Variants in NALF1 observed in about 807,000 individuals in gnomAD.
NALF1 encodes the protein NALCN channel auxiliary factor 1.
In NALF1, 3 loss-of-function variants were observed where a neutral mutation model predicts 48.4. The ratio of observed to expected loss-of-function variants is 0.06; its 90% CI spans 0.03 to 0.16. The LOEUF (loss-of-function observed/expected upper bound fraction) is 0.16. Ranked by LOEUF, NALF1 falls within the 10% of genes least tolerant of loss-of-function variation. The probability of loss-of-function intolerance (pLI) is 1.00; values close to 1 mark genes in which losing one functional copy is unlikely to be tolerated. For synonymous variants in NALF1, 262 were observed against 245.7 expected (o/e 1.07, Z -0.62); for missense variants, 526 against 571.5 (o/e 0.92, Z 0.81).
intron 1 of NALF1, among the ~76,000 whole-genome samples, chr13:107,836,093 C>A (rs1879880405): frequency 6.6e-6 from 1 of 152,102 alleles, no homozygotes; most frequent in South Asian, 2.1e-4. Context: ...CTGACTCAAG[C>A]GATCCTCCCA....
intron 1 of NALF1, among the ~76,000 whole-genome samples, chr13:107,401,432 T>C (rs1462387698): frequency 2.6e-5 from 4 of 152,204 alleles, no homozygotes; most frequent in African/African-American, 9.6e-5. Flanking sequence ...AGCTCAGACT[T>C]GGGATACTGA....
chr13:107,450,389 G>A (rs951677119), intron 1 of NALF1, among the ~76,000 whole-genome samples: 1 of 152,172 alleles, frequency 6.6e-6, no homozygotes, highest in Non-Finnish European at 1.5e-5. Context: ...GGAGTGGTCA[G>A]GGCTGAAAAG....
At chr13:107,260,790 T>C (rs2138853996) in intron 1 of NALF1, among the ~76,000 whole-genome samples, 1 of 152,324 alleles carries the variant, frequency 6.6e-6, no homozygotes, top group East Asian at 1.9e-4. Flanking sequence ...CTAGCTCTGT[T>C]TTCTCCTTTC....
At position 107,700,249 on chromosome 13, in the gene NALF1, A is replaced by C. The variant is rs1881788137; in HGVS notation, c.915+165433T>G. ...GGAGGCATCAAAATTCCTGGTTAAAAATTGTATTACAAAGTTACAGTACTC... is the reference window on the plus strand; with the variant it reads ...GGAGGCATCAAAATTCCTGGTTAAACATTGTATTACAAAGTTACAGTACTC... On this transcript the variant is annotated intron_variant, in intron 1 of 2. Coordinates refer to ENST00000375915, the MANE Select transcript of NALF1 (RefSeq NM_001080396.3). 2.0e-5 allele frequency among the ~76,000 whole-genome samples: 3 copies of C among 152,182 alleles called. No homozygotes were observed. In the South Asian group the frequency reaches 6.2e-4, roughly 32 times the overall value.
chr13:107,673,073 C>T (rs1273723794), intron 1 of NALF1, among the ~76,000 whole-genome samples: 1 of 152,154 alleles, frequency 6.6e-6, no homozygotes, highest in Non-Finnish European at 1.5e-5. Flanking sequence ...ATAGCAACTA[C>T]ACCAAAAACA....
chr13:107,430,492 T>C (rs1884359387), intron 1 of NALF1, among the ~76,000 whole-genome samples: 1 of 152,026 alleles, frequency 6.6e-6, no homozygotes, highest in Admixed American at 6.6e-5. Context: ...ATGTTCCCCT[T>C]CCTGTGTCCA....
At chr13:107,814,956 G>A (rs2138610359) in intron 1 of NALF1, among the ~76,000 whole-genome samples, 1 of 152,160 alleles carries the variant, frequency 6.6e-6, no homozygotes, top group Middle Eastern at 3.4e-3. Context: ...AATATAAAAT[G>A]TTGGAAGTCA....
At chr13:107,281,263 G>A (rs1288669524) in intron 1 of NALF1, among the ~76,000 whole-genome samples, 2 of 152,182 alleles carry the variant, frequency 1.3e-5, no homozygotes, top group East Asian at 3.9e-4. Flanking sequence ...CATGGTTGAC[G>A]ATGATAAGTC....
At chr13:107,491,688 G>A (rs1161678013) in intron 1 of NALF1, among the ~76,000 whole-genome samples, 2 of 152,110 alleles carry the variant, frequency 1.3e-5, no homozygotes, top group Admixed American at 1.3e-4. Context: ...CATATTTAAT[G>A]TCTTGTTTGT....
chr13:107,781,564 T>C (rs967039027), intron 1 of NALF1, among the ~76,000 whole-genome samples: 3 of 152,008 alleles, frequency 2.0e-5, no homozygotes, highest in Non-Finnish European at 4.4e-5. Context: ...ATTTGAATTG[T>C]GTTTTGAGAG....
chr13:107,471,380 G>A (rs999808705), intron 1 of NALF1, among the ~76,000 whole-genome samples: 30 of 152,292 alleles, frequency 2.0e-4, no homozygotes, highest in Admixed American at 9.8e-4. Flanking sequence ...GCAGAAGCAG[G>A]TGCAAAAGAA....
intron 1 of NALF1, among the ~76,000 whole-genome samples, chr13:107,807,026 A>C (rs563436172): frequency 6.6e-6 from 1 of 152,258 alleles, no homozygotes; most frequent in South Asian, 2.1e-4. Context: ...ATATCACGCC[A>C]GTAGACACTT....
At chr13:107,220,072 A>AG (rs11385976) in intron 1 of NALF1, among the ~76,000 whole-genome samples, 99,389 of 152,064 alleles carry the variant, frequency 0.65, 33,720 homozygotes, top group African/African-American at 0.83. Flanking sequence ...CACAAAAATT[A>AG]TAATTGAAAC....
intron 1 of NALF1, among the ~76,000 whole-genome samples, chr13:107,532,390 C>T (rs1300908739): frequency 6.6e-6 from 1 of 152,036 alleles, no homozygotes; most frequent in Non-Finnish European, 1.5e-5. Flanking sequence ...TGCTTCCTTT[C>T]TCTATGAAGA....
At chr13:107,311,096 A>T (rs1365042324) in intron 1 of NALF1, among the ~76,000 whole-genome samples, 7 of 152,200 alleles carry the variant, frequency 4.6e-5, no homozygotes, top group Admixed American at 4.6e-4. Flanking sequence ...ACGTTATAAC[A>T]CATTTTTTTT....
chr13:107,834,944 C>T (rs189429034), intron 1 of NALF1, among the ~76,000 whole-genome samples: 3 of 152,264 alleles, frequency 2.0e-5, no homozygotes, highest in African/African-American at 7.2e-5. Flanking sequence ...AGGGAAAGCT[C>T]ACTCACGGGA....
At chr13:107,589,994 T>C (rs191729353) in intron 1 of NALF1, among the ~76,000 whole-genome samples, 46 of 152,140 alleles carry the variant, frequency 3.0e-4, no homozygotes, top group African/African-American at 1.1e-3. Flanking sequence ...TTTACTTGAA[T>C]GGAATTAAAT....
At chr13:107,271,074 A>C (rs965084907) in intron 1 of NALF1, among the ~76,000 whole-genome samples, 10 of 152,188 alleles carry the variant, frequency 6.6e-5, no homozygotes, top group Non-Finnish European at 1.2e-4. Flanking sequence ...CTTATGTATG[A>C]AATAATAATA....
At chr13:107,827,377 G>A (rs902622575) in intron 1 of NALF1, among the ~76,000 whole-genome samples, 9 of 152,094 alleles carry the variant, frequency 5.9e-5, no homozygotes, top group East Asian at 5.8e-4. Context: ...AGGATTCCTC[G>A]TTAATTCATT....
Sources: gnomAD v4.1 joint callset for allele counts (sites outside exome capture counted in the v4.1 genomes callset) on GRCh38, gnomAD v4.1.1 for gene constraint, MANE v1.5 for transcripts, NCBI Gene and HGNC (gene_info 2026-07-23, HGNC 2026-07-21) for gene names.